The following CACNG7 variants were observed in gnomAD, a reference collection of about 807,000 sequenced individuals.
The protein encoded by CACNG7 is voltage-dependent calcium channel gamma-7 subunit.
Under a neutral mutation model 26.3 loss-of-function variants are expected in CACNG7, and 9 were observed. The observed-to-expected ratio is 0.34, with a 90% confidence interval of 0.21 to 0.60. CACNG7 has a LOEUF of 0.60. Among genes scored for constraint, CACNG7 ranks in the 20% least tolerant of loss-of-function variants. CACNG7 has a pLI of 0.81. For missense variants in CACNG7, 297 were observed against 380.4 expected (o/e 0.78, Z 1.82); for synonymous variants, 170 against 157.0 (o/e 1.08, Z -0.62).
chr19:53,918,962 G>A (rs909805323), intron 4 of CACNG7, among the ~76,000 whole-genome samples: 3 of 152,106 alleles, frequency 2.0e-5, no homozygotes, highest in Non-Finnish European at 2.9e-5. Flanking sequence ...TAGAGACGGG[G>A]TTTCACTGTG....
chr19:53,913,350 G>A (rs898882601), intron 2 of CACNG7, among the ~76,000 whole-genome samples: 4 of 151,942 alleles, frequency 2.6e-5, no homozygotes, highest in East Asian at 1.9e-4. Flanking sequence ...GGACGGGCGC[G>A]GTGGCTCATG....
chr19:53,925,454 C>G lies in CACNG7; in HGVS notation c.424+9949C>G, dbSNP rs114118178. Among the ~76,000 whole-genome samples, 1,034 of 148,890 alleles carry G rather than the reference C, an allele frequency of 6.9e-3. 17 individuals are homozygous for G. Among genetic ancestry groups the G allele is most frequent in the African/African-American group, 0.024 (955 of 39,680 alleles). On this transcript the variant is annotated intron_variant, in intron 4 of 5. Transcript: ENST00000391767. The stretch of plus-strand genomic sequence containing the variant: ...AGGCTGGTCATTGGTGGACTTGCCA[C>G]AGGTATGGCCATTGGTGGAGTTGCC...
Position 53,942,846 on chromosome 19 carries a change from CG to C in CACNG7, c.*557del. The C allele has an allele frequency of 6.5e-6, 1 of 153,896 alleles. No homozygotes were observed. The highest frequency in any genetic ancestry group is 1.4e-5 in the Non-Finnish European group (1 of 69,358). 9.5% of individuals were successfully genotyped at this position (153,896 alleles called of 1,614,324 possible). A position where few individuals can be genotyped will look rare whatever the true frequency, so the allele number is the denominator to read the frequency against. On this transcript the variant is annotated 3_prime_UTR_variant, in exon 6 of 6. Transcript: ENST00000391767. This position sits in a 1 kb window ranked among gnomAD's most constrained non-coding sequence, Gnocchi z 5.9. ...GGCCGGCTTGCTCCACCCGCAGCCC[CG>C]GGGTGGCGTAGGGAAGGGGGCTGGA...
At chr19:53,920,920 T>C (rs1329242707) in intron 4 of CACNG7, among the ~76,000 whole-genome samples, 8 of 102,208 alleles carry the variant, frequency 7.8e-5, no homozygotes, top group East Asian at 2.9e-4. Context: ...TGTCCCCAGG[T>C]CTGGTCATTG....
chr19:53,928,472 A>G (rs1318099992), intron 4 of CACNG7, among the ~76,000 whole-genome samples: 1 of 151,862 alleles, frequency 6.6e-6, no homozygotes, highest in African/African-American at 2.4e-5. Flanking sequence ...ACGGGGTTTC[A>G]CCATGTTGGC....
rs2068849227 is a variant in CACNG7, at chr19:53,909,505, A to G, written c.-42A>G. 1 of 152,314 alleles carries G rather than the reference A, an allele frequency of 6.6e-6. No individual in the cohort carries two copies. The highest frequency in any genetic ancestry group is 1.5e-5 in the Non-Finnish European group (1 of 67,898). The allele number at this position is 152,314 out of a possible 1,614,324, so 9.4% of individuals were successfully genotyped here. On this transcript the variant is annotated 5_prime_UTR_variant, in exon 1 of 6. Coordinates refer to ENST00000391767, the MANE Select transcript of CACNG7 (RefSeq NM_031896.5). The surrounding 1 kb of genome is among the most constrained non-coding windows in gnomAD (Gnocchi z 5.1). Reference sequence around the variant, plus strand: ...GGCCCGCGGCCCGGAGCGTCCGCCCAGCCCTGAGCGAGGTGAGCGCTAGCG... The same window carrying G: ...GGCCCGCGGCCCGGAGCGTCCGCCCGGCCCTGAGCGAGGTGAGCGCTAGCG...
At chr19:53,919,695 GT>G (rs1350372609) in intron 4 of CACNG7, among the ~76,000 whole-genome samples, 4 of 137,156 alleles carry the variant, frequency 2.9e-5, no homozygotes, top group Admixed American at 2.9e-4. Context: ...GTTGCCCCAG[GT>G]CTGGTCATTG....
intron 4 of CACNG7, among the ~76,000 whole-genome samples, chr19:53,923,414 TC>T (rs2068983656): frequency 3.1e-5 from 4 of 127,722 alleles, no homozygotes; most frequent in Non-Finnish European, 5.0e-5. Flanking sequence ...GGTGGAGTTG[TC>T]CCCAGGTCTG....
chr19:53,910,901 G>A (rs955441786), intron 1 of CACNG7, among the ~76,000 whole-genome samples: 9 of 152,202 alleles, frequency 5.9e-5, no homozygotes, highest in African/African-American at 2.2e-4. Flanking sequence ...CAGAACCTCT[G>A]GTAGGAAGTT....
At chr19:53,930,640 T>C (rs927976360) in intron 4 of CACNG7, among the ~76,000 whole-genome samples, 7 of 152,102 alleles carry the variant, frequency 4.6e-5, no homozygotes, top group African/African-American at 1.7e-4. Context: ...CCCAAAGTGC[T>C]GGGATTACAG....
chr19:53,929,951 T>C (rs1385305116), intron 4 of CACNG7, among the ~76,000 whole-genome samples: 2 of 151,124 alleles, frequency 1.3e-5, no homozygotes, highest in Admixed American at 6.7e-5. Flanking sequence ...TGGAGAATAA[T>C]AAAAAACAAG....
In CACNG7 at chr19:53,915,031, GAAGA is replaced by G. The variant is rs1381257101; in HGVS notation, c.284-324_284-321del. ...AAAAAAAAAAATAAATAAAAGGAAG[GAAGA>G]AAGAAAGAAGGCAAGGCAGAGTGGT... is the stretch of plus-strand genomic sequence containing the variant. On this transcript the variant is annotated intron_variant, in intron 3 of 5. Coordinates refer to ENST00000391767, the MANE Select transcript of CACNG7 (RefSeq NM_031896.5). Among the ~76,000 whole-genome samples, 5 of 146,230 alleles carry G rather than the reference GAAGA, an allele frequency of 3.4e-5. No homozygotes were observed. The East Asian group carries it at 7.9e-4, about 23-fold the overall frequency.
Position 53,922,308 on chromosome 19 carries a change from GT to G in CACNG7, c.424+6804del, listed in dbSNP as rs1277499183. Among the ~76,000 whole-genome samples, 290 of 73,312 alleles carry G rather than the reference GT, an allele frequency of 4.0e-3. 30 individuals carry two copies. The highest frequency in any genetic ancestry group is 0.016 in the South Asian group (29 of 1,850). The allele number at this position is 73,312 out of a possible 152,430, so 48.1% of individuals were successfully genotyped here. A position where few individuals can be genotyped will look rare whatever the true frequency, so the allele number is the denominator to read the frequency against. ...CCCCAGGTCTGGTATTGGTGGAGTTGTCCCCAGGTCTGGTCATTGGTGGAGT... is the reference window on the plus strand; with the variant it reads ...CCCCAGGTCTGGTATTGGTGGAGTTGCCCCAGGTCTGGTCATTGGTGGAGT... On this transcript the variant is annotated intron_variant, in intron 4 of 5. Coordinates refer to ENST00000391767, the MANE Select transcript of CACNG7 (RefSeq NM_031896.5).
chr19:53,921,374 CT>C (rs1260757830), intron 4 of CACNG7, among the ~76,000 whole-genome samples: 1 of 138,136 alleles, frequency 7.2e-6, no homozygotes, highest in Non-Finnish European at 1.5e-5. Context: ...GTCCCCAGGT[CT>C]GGTCATTGGT....
At chr19:53,932,629 C>G (rs2069080282) in intron 4 of CACNG7, among the ~76,000 whole-genome samples, 1 of 152,118 alleles carries the variant, frequency 6.6e-6, no homozygotes, top group Non-Finnish European at 1.5e-5. Context: ...AAATCCAGAT[C>G]CAAGTTCCAC....
chr19:53,941,880 T>G (rs2069139639), intron 5 of CACNG7, among the ~76,000 whole-genome samples, 156 bp from the exon 6 acceptor site: 1 of 151,300 alleles, frequency 6.6e-6, no homozygotes, highest in Non-Finnish European at 1.5e-5. Flanking sequence ...ACTCCTGAGG[T>G]CCCGGGGAAA....
intron 4 of CACNG7, among the ~76,000 whole-genome samples, chr19:53,931,069 A>T (rs2069068521): frequency 6.6e-6 from 1 of 151,950 alleles, no homozygotes; most frequent in African/African-American, 2.4e-5. Flanking sequence ...TGGGGCATGC[A>T]CCTGCAGTCC....
intron 4 of CACNG7, among the ~76,000 whole-genome samples, chr19:53,927,425 C>T (rs34904100): frequency 0.35 from 53,242 of 151,848 alleles, 11,426 homozygotes; most frequent in African/African-American, 0.6. Context: ...AGGGAGGGCT[C>T]CCAGGAAAAG....
chr19:53,913,054 AAC>A (rs909578331), intron 2 of CACNG7, 27 bp downstream of exon 2: 2 of 1,591,776 alleles, frequency 1.3e-6, no homozygotes, highest in African/African-American at 2.7e-5. Context: ...TCTTCCACTC[AAC>A]AGTTTCTGCC....
Sources: allele counts gnomAD v4.1 joint callset (sites outside exome capture counted in the v4.1 genomes callset), GRCh38; gene constraint gnomAD v4.1.1; non-coding constraint Gnocchi (gnomAD v3.1); transcripts MANE v1.5; gene names NCBI Gene and HGNC (gene_info 2026-07-23, HGNC 2026-07-21).